The following DNAH14 variants were observed in gnomAD, a reference collection of about 807,000 sequenced individuals.
The protein encoded by DNAH14 is axonemal beta dynein heavy chain 14.
Under a neutral mutation model 520.9 loss-of-function variants are expected in DNAH14, and 478 were observed. The ratio of observed to expected loss-of-function variants is 0.92; its 90% CI spans 0.85 to 0.99. The LOEUF (loss-of-function observed/expected upper bound fraction) is 0.99, where lower values mean the gene tolerates loss of function less well. Ranked by LOEUF, DNAH14 falls within the 50% of genes least tolerant of loss-of-function variation. The probability of loss-of-function intolerance (pLI) is 0.00; values close to 1 mark genes in which losing one functional copy is unlikely to be tolerated. For synonymous variants in DNAH14, 1,581 were observed against 1,757.2 expected, an observed-to-expected ratio of 0.90 and a Z score of 2.51; for missense variants, 4,831 against 5,234.5, an observed-to-expected ratio of 0.92 and a Z score of 2.38.
chr1:225,006,978 G>A (rs1356612305), intron 9 of DNAH14, among the ~76,000 whole-genome samples: 2 of 152,036 alleles, frequency 1.3e-5, no homozygotes, highest in East Asian at 1.9e-4. Context: ...TTCTCAGACC[G>A]GCTGACACTT....
At chr1:224,950,456 A>G (rs959919938) in intron 1 of DNAH14, among the ~76,000 whole-genome samples, 1 of 152,160 alleles carries the variant, frequency 6.6e-6, no homozygotes, top group African/African-American at 2.4e-5. Context: ...ATGTTCTGGT[A>G]TTTGAATGTT....
rs1196457202 is a variant in DNAH14 at position 225,168,008 on chromosome 1, C to A, written c.5515C>A (p.Gln1839Lys). 2 of 1,532,434 alleles carry A rather than the reference C, an allele frequency of 1.3e-6. No homozygotes were observed. Among genetic ancestry groups the A allele is most frequent in the Admixed American group, 2.0e-5 (1 of 48,996 alleles). The allele number at this position is 1,532,434 out of a possible 1,614,324, so 94.9% of individuals were successfully genotyped here. Reference protein sequence around the residue: ...NWSSQKEKIIQFYNQLQVCVG... With the variant: ...NWSSQKEKIIKFYNQLQVCVG... The stretch of plus-strand genomic sequence containing the variant: ...GTCATCTCAGAAAGAGAAGATTATA[C>A]AGTTTTATAATCAACTTCAGGTAAG... The change falls in exon 36 of 86, where the codon CAG becomes AAG. Residue 1839 changes from glutamine (Q) to lysine (K), a missense_variant. Coordinates refer to ENST00000682510, the MANE Select transcript of DNAH14 (RefSeq NM_001367479.1).
intron 27 of DNAH14, among the ~76,000 whole-genome samples, chr1:225,132,082 T>C (rs2148961290): frequency 6.6e-6 from 1 of 152,302 alleles, no homozygotes; most frequent in Admixed American, 6.5e-5. Context: ...TGGTCATCAT[T>C]TTTAAAGACT....
Position 225,337,312 on chromosome 1 carries a change from T to C in DNAH14, c.10127T>C (p.Val3376Ala), listed in dbSNP as rs948890366. ...GGACTGCCTCATGGTCAGTATTCAGTAGAGAATGCCATCTTGATCAAGAAT... is the reference window on the plus strand; with the variant it reads ...GGACTGCCTCATGGTCAGTATTCAGCAGAGAATGCCATCTTGATCAAGAAT... ...NQGLPHGQYS[V>A]ENAILIKNGQ... Residue 3376 changes from valine (V) to alanine (A), a missense_variant, in exon 67 of 86, where the codon GTA becomes GCA. Coordinates refer to ENST00000682510, the MANE Select transcript of DNAH14 (RefSeq NM_001367479.1). The C allele has an allele frequency of 2.6e-6, 4 of 1,551,862 alleles. No individual in the cohort carries two copies. The East Asian group carries it at 9.8e-5, about 38-fold the overall frequency.
In DNAH14 at chr1:225,318,627, G is replaced by T; in HGVS notation, c.9285G>T (p.Lys3095Asn). Residue 3095 changes from lysine to asparagine, a missense_variant, in exon 61 of 86, where the codon AAG (lysine) becomes AAT (asparagine). Lys to Asn is a moderately conservative substitution (Grantham distance 94, BLOSUM62 0). Transcript: ENST00000682510. Reference protein sequence around the residue: ...ELKSVLPAFDKAIVALNALDK... With the variant: ...ELKSVLPAFDNAIVALNALDK... ...AAAGTGTGCTGCCAGCCTTTGACAA[G>T]GCAATTGTGGCTCTGAATGCCCTGG... The T allele has an allele frequency of 1.3e-6, 2 of 1,550,144 alleles. No individual in the cohort carries two copies. Among genetic ancestry groups the T allele is most frequent in the Non-Finnish European group, 1.7e-6 (2 of 1,146,206 alleles).
At chr1:225,348,523 C>T (rs1460952677) in intron 71 of DNAH14, among the ~76,000 whole-genome samples, 3 of 152,064 alleles carry the variant, frequency 2.0e-5, no homozygotes, top group African/African-American at 7.2e-5. Flanking sequence ...GTATGATTAC[C>T]AGTGATTTCT....
At chr1:224,954,877 T>G in intron 2 of DNAH14, 82 bp from the exon 3 acceptor site, 1 of 1,077,830 alleles carries the variant, frequency 9.3e-7, no homozygotes, top group Non-Finnish European at 1.3e-6. Context: ...AATGTGAAAT[T>G]TTGGTAATAT....
chr1:225,194,595 T>C (rs543000994), intron 38 of DNAH14, among the ~76,000 whole-genome samples: 4 of 151,918 alleles, frequency 2.6e-5, no homozygotes, highest in Non-Finnish European at 5.9e-5. Context: ...GGAAAATCAT[T>C]CTGTATATGT....
intron 27 of DNAH14, among the ~76,000 whole-genome samples, chr1:225,134,324 C>G (rs1295068332): frequency 1.3e-5 from 2 of 152,156 alleles, no homozygotes; most frequent in African/African-American, 2.4e-5. Context: ...GGGAATGCTT[C>G]CAGCTTTTTC....
At chr1:225,229,025 C>T (rs1386869372) in intron 41 of DNAH14, among the ~76,000 whole-genome samples, 1 of 152,158 alleles carries the variant, frequency 6.6e-6, no homozygotes, top group Admixed American at 6.5e-5. Flanking sequence ...CAGGACTGCT[C>T]TCTACTCAGC....
At chr1:225,183,018 T>C (rs927548416) in intron 36 of DNAH14, among the ~76,000 whole-genome samples, 1 of 152,038 alleles carries the variant, frequency 6.6e-6, no homozygotes, top group African/African-American at 2.4e-5. Context: ...GCAGAGCCCA[T>C]GTCACTCTTT....
At chr1:225,109,823 A>G (rs1011070942) in intron 23 of DNAH14, among the ~76,000 whole-genome samples, 1 of 152,086 alleles carries the variant, frequency 6.6e-6, no homozygotes, top group Non-Finnish European at 1.5e-5. Context: ...TTTTCTCCCC[A>G]TTTAGTGTGA....
At chr1:225,275,655 A>G (rs533478818) in intron 52 of DNAH14, among the ~76,000 whole-genome samples, 1 of 152,332 alleles carries the variant, frequency 6.6e-6, no homozygotes, top group South Asian at 2.1e-4. Flanking sequence ...ATAAAACCAT[A>G]TTCTAATATA....
intron 35 of DNAH14, among the ~76,000 whole-genome samples, chr1:225,164,740 A>G (rs2149177457): frequency 6.6e-6 from 1 of 152,048 alleles, no homozygotes; most frequent in Non-Finnish European, 1.5e-5. Flanking sequence ...TCATATCTAT[A>G]TTTGTCCCTT....
intron 8 of DNAH14, among the ~76,000 whole-genome samples, chr1:225,001,284 G>T (rs1325799898): frequency 6.6e-6 from 1 of 152,150 alleles, no homozygotes; most frequent in South Asian, 2.1e-4. Flanking sequence ...TTAATGTAAT[G>T]TCCAGAGTTT....
In DNAH14 at chr1:225,309,170, G is replaced by T. The variant is rs184946777; in HGVS notation, c.9240+760G>T. On this transcript the variant is annotated intron_variant, in intron 60 of 85. Transcript: ENST00000682510. ...CTTTCAGTTATTTCAAAATTTTCTT[G>T]TTGGCCTCTTGTCATACCTAATTAG... 1.8e-4 allele frequency among the ~76,000 whole-genome samples: 28 copies of T among 152,248 alleles called. No individual in the cohort carries two copies. In the East Asian group the frequency reaches 4.4e-3, roughly 24 times the overall value.
intron 65 of DNAH14, among the ~76,000 whole-genome samples, chr1:225,332,325 G>C (rs920284659): frequency 6.6e-6 from 1 of 152,194 alleles, no homozygotes; most frequent in Non-Finnish European, 1.5e-5. Context: ...AAAAGCAGAT[G>C]GATGTCCCTG....
intron 64 of DNAH14, among the ~76,000 whole-genome samples, chr1:225,326,073 A>T (rs1364081609): frequency 1.3e-5 from 2 of 152,210 alleles, no homozygotes; most frequent in East Asian, 3.8e-4. Context: ...TTTTGTTTTG[A>T]TGGATGCTGA....
chr1:225,024,108 T>C, intron 11 of DNAH14: 3 of 1,078,998 alleles, frequency 2.8e-6, no homozygotes, highest in Non-Finnish European at 2.3e-6. Flanking sequence ...TTTAGTATAC[T>C]TCAAGTATTA....
Sources: allele counts gnomAD v4.1 joint callset (sites outside exome capture counted in the v4.1 genomes callset), GRCh38; gene constraint gnomAD v4.1.1; transcripts MANE v1.5; gene names NCBI Gene and HGNC (gene_info 2026-07-23, HGNC 2026-07-21).